FAF1: variants seen among roughly 807,000 people sequenced by gnomAD.
The protein encoded by FAF1 is FAS-associated factor 1.
In FAF1, 25 loss-of-function variants were observed where a neutral mutation model predicts 92.5. That is an observed-to-expected ratio of 0.27 (90% CI 0.20 to 0.38). The LOEUF (loss-of-function observed/expected upper bound fraction) is 0.38. Among genes scored for constraint, FAF1 ranks in the 10% least tolerant of loss-of-function variants. The pLI, the probability that FAF1 is intolerant of heterozygous loss-of-function variation, is 1.00. For synonymous variants in FAF1, 234 were observed against 273.2 expected, an observed-to-expected ratio of 0.86 and a Z score of 1.42; for missense variants, 636 against 793.3, an observed-to-expected ratio of 0.80 and a Z score of 2.38.
chr1:50,504,092 T>C (rs1323821794), intron 15 of FAF1, among the ~76,000 whole-genome samples: 2 of 152,164 alleles, frequency 1.3e-5, no homozygotes, highest in Non-Finnish European at 2.9e-5. Context: ...CTGCAAAAAA[T>C]TAATAGATGG....
Position 50,516,499 on chromosome 1 carries a change from G to A in FAF1, c.1494+18870C>T, listed in dbSNP as rs76677454. On this transcript the variant is annotated intron_variant, in intron 15 of 18. Coordinates refer to ENST00000396153, the MANE Select transcript of FAF1 (RefSeq NM_007051.3). The stretch of plus-strand genomic sequence containing the variant: ...ACACTGAATGAATTTTTCTTGGACC[G>A]AAATACCAAGCACGCATTTTACCAA... Among the ~76,000 whole-genome samples the A allele has an allele frequency of 2.8e-3, 419 of 152,258 alleles. 2 individuals carry two copies. Among genetic ancestry groups the A allele is most frequent in the African/African-American group, 9.6e-3 (397 of 41,544 alleles).
At chr1:50,511,999 TGAC>T (rs1201587663) in intron 15 of FAF1, among the ~76,000 whole-genome samples, 1 of 152,370 alleles carries the variant, frequency 6.6e-6, no homozygotes, top group East Asian at 1.9e-4. Flanking sequence ...TGACCAGTGA[TGAC>T]GAGCTTTTTT....
chr1:50,562,852 G>A (rs765943540), intron 13 of FAF1, among the ~76,000 whole-genome samples: 12 of 152,024 alleles, frequency 7.9e-5, no homozygotes, highest in Non-Finnish European at 1.6e-4. Context: ...TGCATCTGTG[G>A]GTTCTGCATC....
At chr1:50,788,311 G>A (rs1273546075) in intron 3 of FAF1, 106 bp from the exon 4 acceptor site, 14 of 917,016 alleles carry the variant, frequency 1.5e-5, no homozygotes, top group African/African-American at 6.6e-5. Context: ...TATCAAGTAA[G>A]TTTACCTACA....
intron 1 of FAF1, among the ~76,000 whole-genome samples, chr1:50,908,593 T>G (rs2124718364): frequency 6.6e-6 from 1 of 152,334 alleles, no homozygotes; most frequent in African/African-American, 2.4e-5. Flanking sequence ...TAGTTAGCTC[T>G]TCTTGTTGAA....
intron 4 of FAF1, among the ~76,000 whole-genome samples, chr1:50,776,325 C>T (rs1439375207): frequency 6.6e-6 from 1 of 152,054 alleles, no homozygotes; most frequent in Non-Finnish European, 1.5e-5. Context: ...GAATTTTAAA[C>T]CAATATGTAT....
At chr1:50,845,204 A>T (rs538665827) in intron 2 of FAF1, among the ~76,000 whole-genome samples, 1 of 152,326 alleles carries the variant, frequency 6.6e-6, no homozygotes, top group Admixed American at 6.5e-5. Flanking sequence ...AAGGCACTGG[A>T]AGGACACTGC....
At chr1:50,879,763 T>C (rs1205786378) in intron 1 of FAF1, among the ~76,000 whole-genome samples, 1 of 152,186 alleles carries the variant, frequency 6.6e-6, no homozygotes, top group Non-Finnish European at 1.5e-5. Context: ...GACCCCATAC[T>C]CCTAAATCAC....
intron 6 of FAF1, among the ~76,000 whole-genome samples, chr1:50,730,759 C>T: frequency 6.6e-6 from 1 of 152,186 alleles, no homozygotes; most frequent in East Asian, 1.9e-4. Flanking sequence ...GACTAGGCTC[C>T]ACATTTTCTT....
intron 13 of FAF1, among the ~76,000 whole-genome samples, chr1:50,561,183 G>A (rs1649882841): frequency 6.6e-6 from 1 of 152,100 alleles, no homozygotes; most frequent in African/African-American, 2.4e-5. Context: ...GAAGTCTGGG[G>A]AAGAAACTCT....
intron 9 of FAF1, among the ~76,000 whole-genome samples, chr1:50,594,292 G>T (rs141472697): frequency 2.0e-5 from 3 of 150,266 alleles, no homozygotes; most frequent in Non-Finnish European, 3.0e-5. Context: ...TCCAGCCTGG[G>T]TGACAGAGTG....
At chr1:50,869,219 T>C (rs747285042) in intron 1 of FAF1, among the ~76,000 whole-genome samples, 5 of 152,224 alleles carry the variant, frequency 3.3e-5, no homozygotes, top group Non-Finnish European at 7.4e-5. Flanking sequence ...TCATAGTATA[T>C]AATTTTCCAT....
intron 2 of FAF1, among the ~76,000 whole-genome samples, chr1:50,853,986 G>A (rs1644372215): frequency 6.6e-6 from 1 of 151,850 alleles, no homozygotes; most frequent in Admixed American, 6.6e-5. Flanking sequence ...ATAATCTAGG[G>A]TACAAACCCT....
intron 5 of FAF1, among the ~76,000 whole-genome samples, chr1:50,742,902 G>A (rs76589723): frequency 0.066 from 10,038 of 152,238 alleles, 413 homozygotes; most frequent in East Asian, 0.092. Context: ...TGTGAGTTAA[G>A]AATGGTTTTC....
intron 2 of FAF1, among the ~76,000 whole-genome samples, chr1:50,852,331 T>C (rs12076637): frequency 0.01 from 1,535 of 152,176 alleles, 22 homozygotes; most frequent in African/African-American, 0.034. Flanking sequence ...ATCCAAACAA[T>C]AGAGAAAGAA....
intron 4 of FAF1, among the ~76,000 whole-genome samples, chr1:50,762,068 A>G (rs1030572641): frequency 6.6e-6 from 1 of 152,216 alleles, no homozygotes; most frequent in Non-Finnish European, 1.5e-5. Context: ...GAGCCAAATC[A>G]TGAGTGAACT....
intron 18 of FAF1, among the ~76,000 whole-genome samples, chr1:50,450,949 T>C (rs938817711): frequency 5.3e-5 from 8 of 152,202 alleles, no homozygotes; most frequent in African/African-American, 1.7e-4. Context: ...ATGAGACTAC[T>C]CTATGGTTTA....
At chr1:50,614,411 G>A (rs1052578451) in intron 8 of FAF1, among the ~76,000 whole-genome samples, 2 of 151,834 alleles carry the variant, frequency 1.3e-5, no homozygotes, top group Non-Finnish European at 2.9e-5. Flanking sequence ...TTAGAGTTAA[G>A]GGGGGAAAAA....
chr1:50,545,039 A>C (rs2149043125), intron 13 of FAF1, among the ~76,000 whole-genome samples: 1 of 152,226 alleles, frequency 6.6e-6, no homozygotes, highest in African/African-American at 2.4e-5. Context: ...ACAGAAAAAA[A>C]CAAAAACAAA....
Sources: gnomAD v4.1 joint callset for allele counts (sites outside exome capture counted in the v4.1 genomes callset) on GRCh38, gnomAD v4.1.1 for gene constraint, MANE v1.5 for transcripts, NCBI Gene and HGNC (gene_info 2026-07-23, HGNC 2026-07-21) for gene names.